Variants in CSMD1 observed in about 807,000 individuals in gnomAD.
CSMD1 encodes the protein CUB and Sushi multiple domains 1, also known as CUB and sushi domain-containing protein 1.
In CSMD1, 213 loss-of-function variants were observed where a neutral mutation model predicts 417.5. The observed-to-expected ratio is 0.51, with a 90% CI of 0.46 to 0.57. The LOEUF (loss-of-function observed/expected upper bound fraction) is 0.57. Ranked by LOEUF, CSMD1 falls within the 20% of genes least tolerant of loss-of-function variation. The pLI is 0.00. For synonymous variants in CSMD1, 2,862 were observed against 1,736.8 expected, an observed-to-expected ratio of 1.65 and a Z score of -16.11; for missense variants, 6,923 against 4,529.7, an observed-to-expected ratio of 1.53 and a Z score of -15.17.
intron 5 of CSMD1, among the ~76,000 whole-genome samples, chr8:3,816,847 G>A (rs1311168349): frequency 3.9e-5 from 6 of 151,996 alleles, no homozygotes; most frequent in Non-Finnish European, 8.8e-5. Flanking sequence ...TAGGGGTTTG[G>A]AACATATTTC....
At chr8:4,524,731 A>G (rs900805750) in intron 2 of CSMD1, among the ~76,000 whole-genome samples, 1 of 152,164 alleles carries the variant, frequency 6.6e-6, no homozygotes, top group African/African-American at 2.4e-5. Flanking sequence ...TGATCCTAAA[A>G]TTCTTTCAAA....
intron 28 of CSMD1, among the ~76,000 whole-genome samples, chr8:3,223,042 A>G (rs1342238940): frequency 6.6e-6 from 1 of 152,230 alleles, no homozygotes; most frequent in Non-Finnish European, 1.5e-5. Flanking sequence ...ACCTTCATAA[A>G]CAACACATTC....
At chr8:4,323,279 T>C (rs1799372818) in intron 3 of CSMD1, among the ~76,000 whole-genome samples, 1 of 152,144 alleles carries the variant, frequency 6.6e-6, no homozygotes, top group Non-Finnish European at 1.5e-5. Context: ...CTGTAGCAGG[T>C]TCAACAGACT....
intron 3 of CSMD1, among the ~76,000 whole-genome samples, chr8:4,371,093 C>A (rs1194922609): frequency 2.0e-5 from 3 of 152,138 alleles, no homozygotes; most frequent in Non-Finnish European, 4.4e-5. Context: ...TTAGATGGGG[C>A]ATTTTGTTTT....
chr8:3,942,348 G>C (rs144990642), intron 5 of CSMD1, among the ~76,000 whole-genome samples: 1 of 152,032 alleles, frequency 6.6e-6, no homozygotes, highest in Admixed American at 6.6e-5. Flanking sequence ...GGTGTCAGGC[G>C]CCAAAATGGT....
chr8:3,430,991 C>A (rs933624469), intron 12 of CSMD1, among the ~76,000 whole-genome samples: 13 of 152,132 alleles, frequency 8.5e-5, no homozygotes, highest in African/African-American at 3.1e-4. Flanking sequence ...TGTCTGAGCC[C>A]TTAAATCTCT....
rs1022910430 is a variant in CSMD1 at position 3,131,010 on chromosome 8, G to C, written c.6241+11455C>G. Among the ~76,000 whole-genome samples, 3 of 152,070 alleles carry C rather than the reference G, an allele frequency of 2.0e-5. 1 individual carries two copies. The South Asian group carries it at 6.2e-4, about 32-fold the overall frequency. On this transcript the variant is annotated intron_variant, in intron 41 of 69. Transcript: ENST00000635120. ...TTTAAAATCCGCGATAGTTTCTTAC[G>C]GTCCTCCAGCGTTCATAACTGTTTT...
intron 1 of CSMD1, among the ~76,000 whole-genome samples, chr8:4,789,489 G>C (rs986571316): frequency 2.6e-5 from 4 of 152,082 alleles, no homozygotes; most frequent in Admixed American, 1.3e-4. Flanking sequence ...GTTTACATTG[G>C]ATAAATGCTA....
intron 12 of CSMD1, among the ~76,000 whole-genome samples, chr8:3,413,248 A>C (rs1463761632): frequency 1.3e-5 from 2 of 150,058 alleles, no homozygotes; most frequent in African/African-American, 2.5e-5. Context: ...GAGTAAAATA[A>C]ATTATGGCAT....
intron 18 of CSMD1, among the ~76,000 whole-genome samples, chr8:3,379,473 C>G (rs963067889): frequency 2.2e-4 from 33 of 152,148 alleles, no homozygotes; most frequent in Admixed American, 2.0e-4. Context: ...TAGTTGGAGG[C>G]ATCGTGCTAC....
chr8:4,174,181 C>G (rs943998203), intron 3 of CSMD1, among the ~76,000 whole-genome samples: 13 of 152,140 alleles, frequency 8.5e-5, no homozygotes, highest in Non-Finnish European at 1.9e-4. Flanking sequence ...GAATGTTAAA[C>G]TACTGAGGAA....
At chr8:4,005,780 A>G (rs985100059) in intron 4 of CSMD1, among the ~76,000 whole-genome samples, 1 of 152,178 alleles carries the variant, frequency 6.6e-6, no homozygotes, top group African/African-American at 2.4e-5. Context: ...ACATCAGAAT[A>G]ATTAGTGTCA....
At position 4,115,200 on chromosome 8, in the gene CSMD1, T is replaced by C. The variant is rs900756883; in HGVS notation, c.416-83101A>G. On this transcript the variant is annotated intron_variant, in intron 3 of 69. Coordinates refer to ENST00000635120, the MANE Select transcript of CSMD1 (RefSeq NM_033225.6). ...CTACCCCAGCCTTCAGCAACTACCATCTTGGTAAGTCAGCAGCCACCAACA... is the reference window on the plus strand; with the variant it reads ...CTACCCCAGCCTTCAGCAACTACCACCTTGGTAAGTCAGCAGCCACCAACA... Among the ~76,000 whole-genome samples the C allele has an allele frequency of 3.3e-5, 5 of 152,300 alleles. No individual in the cohort carries two copies. The East Asian group carries it at 7.7e-4, about 24-fold the overall frequency.
intron 68 of CSMD1, among the ~76,000 whole-genome samples, chr8:2,949,007 G>T (rs1802438503): frequency 6.7e-6 from 1 of 150,190 alleles, no homozygotes; most frequent in African/African-American, 2.4e-5. Context: ...TTTTCTTTGG[G>T]TAATATACTT....
intron 2 of CSMD1, among the ~76,000 whole-genome samples, chr8:4,430,545 C>G (rs778802975): frequency 2.0e-5 from 3 of 152,076 alleles, no homozygotes; most frequent in South Asian, 2.1e-4. Flanking sequence ...ACACTACTCT[C>G]TAATAAAAGT....
chr8:4,851,610 G>C (rs1019566728), intron 1 of CSMD1, among the ~76,000 whole-genome samples: 2 of 152,012 alleles, frequency 1.3e-5, no homozygotes, highest in Non-Finnish European at 2.9e-5. Flanking sequence ...CCAACTCCAT[G>C]TGGGAGTTTC....
intron 3 of CSMD1, among the ~76,000 whole-genome samples, chr8:4,285,779 G>A (rs775043815): frequency 1.3e-5 from 2 of 152,150 alleles, no homozygotes; most frequent in Admixed American, 1.3e-4. Context: ...AAGACATGCA[G>A]GCTCTGCTTC....
At chr8:4,299,931 G>C (rs1345603227) in intron 3 of CSMD1, among the ~76,000 whole-genome samples, 1 of 152,082 alleles carries the variant, frequency 6.6e-6, no homozygotes, top group Non-Finnish European at 1.5e-5. Flanking sequence ...GCCCGGCCCA[G>C]ACACTATTTT....
intron 10 of CSMD1, among the ~76,000 whole-genome samples, chr8:3,554,559 G>A (rs13257973): frequency 0.52 from 78,523 of 152,040 alleles, 20,520 homozygotes; most frequent in East Asian, 0.63. Flanking sequence ...TCTGTTGGAA[G>A]CCATGAAGAA....
Sources: allele counts gnomAD v4.1 joint callset (sites outside exome capture counted in the v4.1 genomes callset), GRCh38; gene constraint gnomAD v4.1.1; transcripts MANE v1.5; gene names NCBI Gene and HGNC (gene_info 2026-07-23, HGNC 2026-07-21).